The following TXNDC16 variants were observed in gnomAD, a reference collection of about 807,000 sequenced individuals.
TXNDC16 encodes thioredoxin domain containing 16.
A neutral mutation model predicts 85.6 loss-of-function variants in TXNDC16; 74 were observed. The observed-to-expected ratio is 0.86, with a 90% CI of 0.72 to 1.05. The LOEUF is 1.05. Among genes scored for constraint, TXNDC16 ranks in the 50% least tolerant of loss-of-function variants. The pLI, the probability that TXNDC16 is intolerant of heterozygous loss-of-function variation, is 0.00. For missense variants in TXNDC16, 959 were observed against 947.0 expected, an observed-to-expected ratio of 1.01 and a Z score of -0.17; for synonymous variants, 335 against 326.5, an observed-to-expected ratio of 1.03 and a Z score of -0.28.
chr14:52,467,464 A>G (rs2035803802), intron 16 of TXNDC16, among the ~76,000 whole-genome samples: 2 of 152,362 alleles, frequency 1.3e-5, no homozygotes, highest in South Asian at 2.1e-4. Context: ...CAAAGAATAT[A>G]TACAAATGAC....
chr14:52,523,888 A>G (rs1338166953), intron 6 of TXNDC16, among the ~76,000 whole-genome samples: 2 of 152,242 alleles, frequency 1.3e-5, no homozygotes, highest in Non-Finnish European at 2.9e-5. Context: ...AGCACCTAAT[A>G]TATGTCATGT....
At chr14:52,541,171 G>A (rs971607301) in intron 4 of TXNDC16, among the ~76,000 whole-genome samples, 20 of 152,080 alleles carry the variant, frequency 1.3e-4, no homozygotes, top group African/African-American at 4.8e-4. Context: ...GGGAGGCGGA[G>A]GTTGCAGTGA....
intron 14 of TXNDC16, among the ~76,000 whole-genome samples, chr14:52,476,096 G>A (rs1468962040): frequency 6.6e-6 from 1 of 152,130 alleles, no homozygotes; most frequent in East Asian, 1.9e-4. Flanking sequence ...CTACAGCTCG[G>A]CTCTCAGGAA....
In TXNDC16 at chr14:52,489,780, C is replaced by T. The variant is rs142309449; in HGVS notation, c.984+611G>A. 3.8e-3 allele frequency among the ~76,000 whole-genome samples: 572 copies of T among 152,224 alleles called. 3 individuals are homozygous for T. The highest frequency in any genetic ancestry group is 0.012 in the South Asian group (57 of 4,824). On this transcript the variant is annotated intron_variant, in intron 11 of 20. Transcript: ENST00000281741. ...TCTTGCTCTTCCTGTCATTAACATC[C>T]CCCAAAAGTAATCACTATTCTGTCT... is the stretch of plus-strand genomic sequence containing the variant.
At chr14:52,517,695 C>G (rs2037116786) in intron 7 of TXNDC16, among the ~76,000 whole-genome samples, 1 of 152,054 alleles carries the variant, frequency 6.6e-6, no homozygotes, top group Non-Finnish European at 1.5e-5. Flanking sequence ...AAACTTTGCT[C>G]CACCAACTCC....
chr14:52,537,735 A>G (rs2037736009), intron 4 of TXNDC16, 63 bp from the exon 5 acceptor site: 1 of 946,298 alleles, frequency 1.1e-6, no homozygotes, highest in Non-Finnish European at 1.7e-6. Flanking sequence ...TTGGTTGGGG[A>G]AACAAGAAGG....
intron 16 of TXNDC16, among the ~76,000 whole-genome samples, chr14:52,466,809 G>A (rs1292523965): frequency 6.6e-6 from 1 of 152,080 alleles, no homozygotes; most frequent in Non-Finnish European, 1.5e-5. Context: ...GGAGCTTGCA[G>A]TGAGCCGAGA....
At chr14:52,493,216 T>TATATATATATATATATACAC in intron 9 of TXNDC16, among the ~76,000 whole-genome samples, 10 of 115,936 alleles carry the variant, frequency 8.6e-5, no homozygotes, top group African/African-American at 3.5e-4. Context: ...TATATATATA[T>TATATATATATATATATACAC]ACACACACAC....
chr14:52,497,854 C>T (rs1566561323), intron 9 of TXNDC16, among the ~76,000 whole-genome samples: 1 of 143,712 alleles, frequency 7.0e-6, no homozygotes, highest in Non-Finnish European at 1.5e-5. Flanking sequence ...GCACTCCAGC[C>T]TGGGCAACGG....
intron 9 of TXNDC16, among the ~76,000 whole-genome samples, chr14:52,500,175 C>T (rs528342752): frequency 6.8e-4 from 104 of 152,216 alleles, no homozygotes; most frequent in Non-Finnish European, 1.4e-3. Flanking sequence ...TGCAGCATTA[C>T]TCACCATAGC....
intron 18 of TXNDC16, among the ~76,000 whole-genome samples, chr14:52,445,198 T>C (rs372196108): frequency 7.9e-5 from 12 of 152,308 alleles, no homozygotes; most frequent in African/African-American, 2.9e-4. Flanking sequence ...AATACTACAC[T>C]ATGTATATGC....
At chr14:52,460,904 A>G (rs1329480159) in intron 16 of TXNDC16, among the ~76,000 whole-genome samples, 1 of 152,018 alleles carries the variant, frequency 6.6e-6, no homozygotes, top group African/African-American at 2.4e-5. Context: ...TTAGTGTATT[A>G]TCAATTCTAA....
At chr14:52,501,978 C>T (rs564365831) in intron 9 of TXNDC16, among the ~76,000 whole-genome samples, 7 of 152,286 alleles carry the variant, frequency 4.6e-5, no homozygotes, top group Non-Finnish European at 1.0e-4. Flanking sequence ...TCTTTCGAGG[C>T]TTTGTCTCCT....
intron 4 of TXNDC16, among the ~76,000 whole-genome samples, chr14:52,539,918 G>A (rs1457761666): frequency 1.3e-5 from 2 of 152,106 alleles, no homozygotes; most frequent in Admixed American, 6.5e-5. Flanking sequence ...GAAACAAGAA[G>A]GAGAATTAAA....
At chr14:52,464,235 T>C (rs1442798552) in intron 16 of TXNDC16, among the ~76,000 whole-genome samples, 1 of 152,198 alleles carries the variant, frequency 6.6e-6, no homozygotes, top group East Asian at 1.9e-4. Context: ...CATCCTAACT[T>C]GTGTGTTGTG....
intron 13 of TXNDC16, 66 bp from the exon 14 acceptor site, chr14:52,482,355 T>C (rs1026482940): frequency 1.5e-6 from 2 of 1,321,906 alleles, no homozygotes; most frequent in Non-Finnish European, 2.1e-6. Context: ...CACTGATATG[T>C]AACAAATATA....
At chr14:52,552,289 G>T (rs1463218485) in intron 1 of TXNDC16, 27 bp downstream of exon 1, 2 of 152,490 alleles carry the variant, frequency 1.3e-5, no homozygotes, top group African/African-American at 4.8e-5. Flanking sequence ...AGAGCCCACA[G>T]CCTGAAGGGC....
At chr14:52,516,051 A>C (rs752781672) in intron 7 of TXNDC16, among the ~76,000 whole-genome samples, 2 of 152,102 alleles carry the variant, frequency 1.3e-5, no homozygotes, top group African/African-American at 4.8e-5. Context: ...TCAATACTTC[A>C]AATATATCAA....
intron 1 of TXNDC16, among the ~76,000 whole-genome samples, chr14:52,547,154 C>G (rs1160530564): frequency 6.6e-6 from 1 of 152,130 alleles, no homozygotes; most frequent in Non-Finnish European, 1.5e-5. Flanking sequence ...AATCCTTAGG[C>G]CCCCACCCGT....
Sources: allele counts gnomAD v4.1 joint callset (sites outside exome capture counted in the v4.1 genomes callset), GRCh38; gene constraint gnomAD v4.1.1; transcripts MANE v1.5; gene names NCBI Gene and HGNC (gene_info 2026-07-23, HGNC 2026-07-21).